The following COPS9 variants were observed in gnomAD, a reference collection of about 807,000 sequenced individuals.
COPS9 encodes the protein COP9 signalosome subunit 9, also known as COP9 signalosome complex subunit 9.
Under a neutral mutation model 7.2 loss-of-function variants are expected in COPS9, and 8 were observed. That is an observed-to-expected ratio of 1.11 (90% CI 0.65 to 2.00). The LOEUF (loss-of-function observed/expected upper bound fraction) is 2.00. Ranked by LOEUF, COPS9 falls within the 30% of genes most tolerant of loss-of-function variation. The probability of loss-of-function intolerance (pLI) is 0.00; values close to 1 mark genes in which losing one functional copy is unlikely to be tolerated. For synonymous variants in COPS9, 39 were observed against 28.7 expected, an observed-to-expected ratio of 1.36 and a Z score of -1.14; for missense variants, 74 against 77.7, an observed-to-expected ratio of 0.95 and a Z score of 0.18.
intron 1 of COPS9, 150 bp downstream of exon 1, chr2:240,136,072 T>G (rs1003336959): frequency 8.2e-7 from 1 of 1,214,476 alleles, no homozygotes; most frequent in African/African-American, 1.6e-5. Flanking sequence ...AAACCGGGAT[T>G]TGCTCTCCGC....
At chr2:240,136,154 G>T in intron 1 of COPS9, 68 bp downstream of exon 1, 1 of 1,331,364 alleles carries the variant, frequency 7.5e-7, no homozygotes, top group Non-Finnish European at 9.6e-7. Flanking sequence ...CCGCGCACCA[G>T]GACGCCGCCC....
chr2:240,130,906 A>C lies in COPS9; in HGVS notation c.*145T>G, dbSNP rs540706497. The C allele has an allele frequency of 1.9e-3, 2,696 of 1,457,182 alleles. 71 individuals are homozygous for C. In the South Asian group the frequency reaches 0.036, roughly 20 times the overall value. The allele number at this position is 1,457,182 out of a possible 1,614,324, so 90.3% of individuals were successfully genotyped here. A position where few individuals can be genotyped will look rare whatever the true frequency, so the allele number is the denominator to read the frequency against. ...ATGAACAGAATCATCTAGGTCGTTAAGAACAGTCTTATCTTTCTGGTTAAC... is the reference window on the plus strand; with the variant it reads ...ATGAACAGAATCATCTAGGTCGTTACGAACAGTCTTATCTTTCTGGTTAAC... On this transcript the variant is annotated 3_prime_UTR_variant, in exon 3 of 3. Transcript: ENST00000607357.
Position 240,136,261 on chromosome 2 carries a change from C to T in COPS9, c.24G>A (p.Met8Ile), listed in dbSNP as rs1041869294. MKPAVDE[M>I]FPEGAGPYVD... The stretch of plus-strand genomic sequence containing the variant: ...CGTAGGGCCCGGCGCCCTCGGGGAA[C>T]ATCTCGTCCACCGCCGGCTTCATCT... The change falls in exon 1 of 3, where the codon ATG (methionine) becomes ATA (isoleucine). Residue 8 changes from methionine to isoleucine, a missense_variant. By Grantham distance (10) the Met-to-Ile change is conservative. Transcript: ENST00000607357. 1 of 1,571,012 alleles carries T rather than the reference C, an allele frequency of 6.4e-7. No individual in the cohort carries two copies. Among genetic ancestry groups the T allele is most frequent in the Non-Finnish European group, 8.6e-7 (1 of 1,162,262 alleles).
At chr2:240,127,724 C>T (rs183283910), downstream of COPS9, among the ~76,000 whole-genome samples, 139 of 152,284 alleles carry the variant, frequency 9.1e-4, no homozygotes, top group Non-Finnish European at 1.2e-3. Flanking sequence ...CTTGGGGTGG[C>T]TTTCTCTTCT....
chr2:240,135,472 T>G (rs1421198169), intron 1 of COPS9, among the ~76,000 whole-genome samples: 1 of 152,094 alleles, frequency 6.6e-6, no homozygotes, highest in East Asian at 1.9e-4. Flanking sequence ...CCCCTAAGCT[T>G]TGAGAAAGAG....
chr2:240,136,083 G>T (rs73111218), intron 1 of COPS9, 139 bp downstream of exon 1: 2 of 1,248,058 alleles, frequency 1.6e-6, no homozygotes, highest in Non-Finnish European at 1.0e-6. Context: ...TGCTCTCCGC[G>T]GGGCAGGGAG....
chr2:240,133,857 C>T, intron 2 of COPS9, 76 bp downstream of exon 2: 3 of 1,433,620 alleles, frequency 2.1e-6, no homozygotes, highest in Non-Finnish European at 2.9e-6. Flanking sequence ...ATTCATGTCA[C>T]CAAGTTGCTT....
At chr2:240,130,791 T>C, downstream of COPS9, 1 of 1,364,332 alleles carries the variant, frequency 7.3e-7, no homozygotes, top group Non-Finnish European at 9.4e-7. Context: ...GACTGCAACA[T>C]TCACTCATAA....
At chr2:240,130,274 G>A (rs891205631), downstream of COPS9, among the ~76,000 whole-genome samples, 11 of 152,206 alleles carry the variant, frequency 7.2e-5, no homozygotes, top group African/African-American at 2.7e-4. Flanking sequence ...GAAGTCCTGG[G>A]CCTGGGCGTC....
chr2:240,127,731 T>C (rs1485334637), downstream of COPS9, among the ~76,000 whole-genome samples: 1 of 152,142 alleles, frequency 6.6e-6, no homozygotes, highest in Non-Finnish European at 1.5e-5. Flanking sequence ...TGGCTTTCTC[T>C]TCTCTCCAAA....
In COPS9 at chr2:240,132,159, A is replaced by G. The variant is rs1268926572; in HGVS notation, c.137-1071T>C. ...AGTGCTCCCAGAAACAATGCCGTCC[A>G]CGCTTTGCCAGGGCTCTTGTCACAG... is the stretch of plus-strand genomic sequence containing the variant. On this transcript the variant is annotated intron_variant, in intron 2 of 2. Transcript: ENST00000607357. This position sits in a 1 kb window ranked among gnomAD's most constrained non-coding sequence, Gnocchi z 4.1. 6.6e-6 allele frequency among the ~76,000 whole-genome samples: 1 copy of G among 152,094 alleles called. No homozygotes were observed. Among genetic ancestry groups the G allele is most frequent in the Non-Finnish European group, 1.5e-5 (1 of 68,006 alleles).
At chr2:240,129,143 G>A (rs1271339201), downstream of COPS9, among the ~76,000 whole-genome samples, 2 of 152,162 alleles carry the variant, frequency 1.3e-5, no homozygotes, top group Non-Finnish European at 2.9e-5. Context: ...CATTCACCAA[G>A]GAGGAAACAG....
At chr2:240,136,184 C>T in intron 1 of COPS9, 38 bp downstream of exon 1, 2 of 1,487,856 alleles carry the variant, frequency 1.3e-6, no homozygotes, top group Non-Finnish European at 1.8e-6. Context: ...CCCTTCCCCG[C>T]TCCCCACGCT....
At chr2:240,129,224 G>T (rs1462350071), downstream of COPS9, among the ~76,000 whole-genome samples, 2 of 152,218 alleles carry the variant, frequency 1.3e-5, no homozygotes, top group Non-Finnish European at 2.9e-5. Context: ...GTGCAGTGGT[G>T]CAATTATCGC....
chr2:240,131,533 T>C (rs1248211858), intron 2 of COPS9, among the ~76,000 whole-genome samples: 1 of 152,176 alleles, frequency 6.6e-6, no homozygotes, highest in Non-Finnish European at 1.5e-5. Flanking sequence ...GCTGCCGCTG[T>C]GAGCATGAGA....
At chr2:240,131,521 C>T (rs924586172) in intron 2 of COPS9, among the ~76,000 whole-genome samples, 28 of 152,284 alleles carry the variant, frequency 1.8e-4, no homozygotes, top group Admixed American at 1.6e-3. Context: ...GGAAACCAGC[C>T]GGCTGCCGCT....
At chr2:240,129,800 G>T, downstream of COPS9, 1 of 889,996 alleles carries the variant, frequency 1.1e-6, no homozygotes, top group Non-Finnish European at 1.8e-6. Flanking sequence ...ACGCCTGGCC[G>T]CTGGAAACCC....
chr2:240,134,929 A>G (rs1038196719), intron 1 of COPS9, among the ~76,000 whole-genome samples: 12 of 152,010 alleles, frequency 7.9e-5, no homozygotes, highest in Admixed American at 2.0e-4. Flanking sequence ...CACCCTACAG[A>G]GCAAGTCGGA....
chr2:240,126,882 C>T, downstream of COPS9: 1 of 1,614,206 alleles, frequency 6.2e-7, no homozygotes, highest in Non-Finnish European at 8.5e-7. Context: ...CTGCCCATGG[C>T]CTGTGCTCCC....
Sources: gnomAD v4.1 joint callset for allele counts (sites outside exome capture counted in the v4.1 genomes callset) on GRCh38, gnomAD v4.1.1 for gene constraint, Gnocchi (gnomAD v3.1) non-coding constraint, MANE v1.5 for transcripts, NCBI Gene and HGNC (gene_info 2026-07-23, HGNC 2026-07-21) for gene names.